Variants in NRG4 observed in about 807,000 individuals in gnomAD.
The protein encoded by NRG4 is neuregulin 4.
In NRG4, 10 loss-of-function variants were observed where a neutral mutation model predicts 15.0. The ratio of observed to expected loss-of-function variants is 0.67; its 90% CI spans 0.41 to 1.13. The LOEUF (loss-of-function observed/expected upper bound fraction) is 1.13. Among genes scored for constraint, NRG4 ranks in the 50% most tolerant of loss-of-function variants. The pLI is 0.00. For missense variants in NRG4, 139 were observed against 140.2 expected, an observed-to-expected ratio of 0.99 and a Z score of 0.04; for synonymous variants, 41 against 50.1, an observed-to-expected ratio of 0.82 and a Z score of 0.77.
At chr15:76,005,497 C>T (rs929520154) in intron 3 of NRG4, among the ~76,000 whole-genome samples, 8 of 150,998 alleles carry the variant, frequency 5.3e-5, no homozygotes, top group African/African-American at 1.9e-4. Flanking sequence ...ACCAGCCTGG[C>T]TAAAATGGCG....
chr15:75,981,559 G>T (rs2033608420), intron 3 of NRG4, among the ~76,000 whole-genome samples: 1 of 152,038 alleles, frequency 6.6e-6, no homozygotes, highest in Non-Finnish European at 1.5e-5. Context: ...GTAGGTGGAG[G>T]CCTAAGGGGC....
At chr15:75,956,055 G>C in intron 4 of NRG4, 44 bp from the exon 5 acceptor site, 1 of 1,134,280 alleles carries the variant, frequency 8.8e-7, no homozygotes, top group Admixed American at 1.8e-5. Flanking sequence ...AAGTGTAATA[G>C]GAAAAGCATG....
chr15:75,970,183 C>G (rs991655305), intron 3 of NRG4, among the ~76,000 whole-genome samples: 2 of 152,152 alleles, frequency 1.3e-5, no homozygotes, highest in African/African-American at 4.8e-5. Flanking sequence ...CCTGACAACT[C>G]CTTTTGAAAA....
At chr15:75,982,165 A>G (rs574814466) in intron 3 of NRG4, among the ~76,000 whole-genome samples, 24 of 152,312 alleles carry the variant, frequency 1.6e-4, no homozygotes, top group Non-Finnish European at 2.9e-4. Flanking sequence ...AAATAAGGAT[A>G]TTGTCGATCC....
chr15:75,976,167 T>A (rs1002916958), intron 3 of NRG4, among the ~76,000 whole-genome samples: 1 of 152,242 alleles, frequency 6.6e-6, no homozygotes, highest in Non-Finnish European at 1.5e-5. Context: ...ATTCTCGTGC[T>A]ATGTTTTTCA....
rs1406308452 is a variant in NRG4, at chr15:75,941,361, CAG to C, written c.*2275_*2276del. On this transcript the variant is annotated 3_prime_UTR_variant, in exon 6 of 6. Transcript: ENST00000394907. Reference sequence around the variant, plus strand: ...AGTGGTATGCAGCTGCTGTAGAAAACAGTATGGTGATTTTCCAATTAAATATA... The same window carrying C: ...AGTGGTATGCAGCTGCTGTAGAAAACTATGGTGATTTTCCAATTAAATATA... The C allele has an allele frequency of 3.9e-5, 6 of 152,092 alleles. No homozygotes were observed. Among genetic ancestry groups the C allele is most frequent in the African/African-American group, 1.4e-4 (6 of 41,408 alleles). 9.4% of individuals were successfully genotyped at this position (152,092 alleles called of 1,614,324 possible).
At chr15:76,000,072 C>A (rs538849898) in intron 3 of NRG4, among the ~76,000 whole-genome samples, 1 of 152,022 alleles carries the variant, frequency 6.6e-6, no homozygotes, top group South Asian at 2.1e-4. Flanking sequence ...TTAGTAGAAA[C>A]GGGGTTTCAC....
At chr15:76,032,569 T>C (rs1330948154) in intron 5 of NRG4, among the ~76,000 whole-genome samples, 2 of 152,232 alleles carry the variant, frequency 1.3e-5, no homozygotes, top group Non-Finnish European at 2.9e-5. Flanking sequence ...TCTTAAAAAC[T>C]TTCTTTGAAG....
At chr15:76,031,190 T>C (rs930020157) in intron 5 of NRG4, among the ~76,000 whole-genome samples, 5 of 151,518 alleles carry the variant, frequency 3.3e-5, no homozygotes, top group African/African-American at 1.2e-4. Flanking sequence ...GGAAAAAAAA[T>C]CTCCACAAAC....
downstream of NRG4, chr15:75,938,833 T>C (rs2030646633): frequency 6.6e-6 from 1 of 151,706 alleles, no homozygotes; most frequent in South Asian, 2.1e-4. Flanking sequence ...AAAAGGAAAA[T>C]TGGAAAATTC....
intron 2 of NRG4, among the ~76,000 whole-genome samples, chr15:76,056,180 G>A (rs1232325002): frequency 6.6e-6 from 1 of 152,192 alleles, no homozygotes; most frequent in African/African-American, 2.4e-5. Context: ...GGGCGCAGTG[G>A]CTCACGCCTG....
At chr15:76,027,369 A>G (rs1567118268) in intron 5 of NRG4, among the ~76,000 whole-genome samples, 1 of 152,130 alleles carries the variant, frequency 6.6e-6, no homozygotes, top group Non-Finnish European at 1.5e-5. Context: ...GCAAGAGAAT[A>G]TAACAGTCGT....
intron 4 of NRG4, among the ~76,000 whole-genome samples, chr15:76,046,605 G>C (rs1301504855): frequency 1.3e-5 from 2 of 151,094 alleles, no homozygotes; most frequent in Non-Finnish European, 2.9e-5. Context: ...ATGGGGAAAG[G>C]TTACCAGATG....
At chr15:75,946,286 A>G (rs1410781979) in intron 5 of NRG4, among the ~76,000 whole-genome samples, 2 of 152,248 alleles carry the variant, frequency 1.3e-5, no homozygotes, top group Non-Finnish European at 2.9e-5. Flanking sequence ...TAAACCACCA[A>G]TGAAGGGTCA....
At chr15:76,037,218 A>C (rs1596050360) in intron 4 of NRG4, among the ~76,000 whole-genome samples, 1 of 152,200 alleles carries the variant, frequency 6.6e-6, no homozygotes, top group Non-Finnish European at 1.5e-5. Flanking sequence ...TACACACACA[A>C]AAAAAGCACC....
At chr15:76,027,463 A>G (rs2035345806) in intron 5 of NRG4, among the ~76,000 whole-genome samples, 1 of 151,824 alleles carries the variant, frequency 6.6e-6, no homozygotes, top group Non-Finnish European at 1.5e-5. Context: ...TATAATCCTC[A>G]ATGGATCCAT....
chr15:76,023,047 T>C (rs1376540006), intron 5 of NRG4, among the ~76,000 whole-genome samples: 1 of 151,696 alleles, frequency 6.6e-6, no homozygotes, highest in East Asian at 1.9e-4. Context: ...ACTAAAGGAA[T>C]AGCTATTAGG....
intron 5 of NRG4, among the ~76,000 whole-genome samples, chr15:76,028,184 T>A (rs986871320): frequency 6.7e-6 from 1 of 149,736 alleles, no homozygotes. Context: ...ATAAATAAAA[T>A]TGAGAGAAAA....
intron 3 of NRG4, among the ~76,000 whole-genome samples, chr15:75,966,875 G>A (rs895934626): frequency 1.2e-4 from 18 of 152,164 alleles, no homozygotes; most frequent in African/African-American, 4.1e-4. Context: ...CCAGCAATGT[G>A]GGAGGCCAAG....
Sources: gnomAD v4.1 joint callset for allele counts (sites outside exome capture counted in the v4.1 genomes callset) on GRCh38, gnomAD v4.1.1 for gene constraint, MANE v1.5 for transcripts, NCBI Gene and HGNC (gene_info 2026-07-23, HGNC 2026-07-21) for gene names.